The following DEDD2 variants were observed in gnomAD, a reference collection of about 807,000 sequenced individuals.
The protein encoded by DEDD2 is death effector domain containing 2.
DEDD2 carries 18 observed loss-of-function variants against 28.9 expected under a neutral mutation model. That is an observed-to-expected ratio of 0.62 (90% CI 0.43 to 0.92). The LOEUF is 0.92. DEDD2 is among the 40% of genes least tolerant of loss of function. The probability of loss-of-function intolerance (pLI) is 0.00; values close to 1 mark genes in which losing one functional copy is unlikely to be tolerated. For missense variants in DEDD2, 411 were observed against 463.3 expected (o/e 0.89, Z 1.04); for synonymous variants, 211 against 206.1 (o/e 1.02, Z -0.20).
At chr19:42,204,882 G>C (rs757731791) in intron 4 of DEDD2, among the ~76,000 whole-genome samples, 2 of 152,074 alleles carry the variant, frequency 1.3e-5, no homozygotes, top group East Asian at 1.9e-4. Context: ...ATGTCAAATG[G>C]AAAGTTTTTC....
Position 42,217,013 on chromosome 19 carries a change from G to A in DEDD2, c.-6C>T. On this transcript the variant is annotated 5_prime_UTR_variant, in exon 2 of 5. Transcript: ENST00000596251. ...GTCGACCCGGATAGCGCCATTCCCGGGGGAGGGAGGCGGAACAAGCTCAGA... is the reference window on the plus strand; with the variant it reads ...GTCGACCCGGATAGCGCCATTCCCGAGGGAGGGAGGCGGAACAAGCTCAGA... 6.4e-7 allele frequency: 1 copy of A among 1,572,676 alleles called. No homozygotes were observed. The highest frequency in any genetic ancestry group is 8.6e-7 in the Non-Finnish European group (1 of 1,159,710).
chr19:42,216,023 T>C (rs2035953551), intron 2 of DEDD2, among the ~76,000 whole-genome samples: 1 of 152,214 alleles, frequency 6.6e-6, no homozygotes. Flanking sequence ...TGGCCTCTGA[T>C]GATGCCAAAC....
intron 3 of DEDD2, among the ~76,000 whole-genome samples, chr19:42,211,256 G>A (rs573050742): frequency 1.3e-4 from 20 of 151,758 alleles, no homozygotes; most frequent in Non-Finnish European, 2.4e-4. Flanking sequence ...GTGGTAGCAC[G>A]TGCCTGTAGT....
chr19:42,200,604 G>C (rs1599750428), intron 4 of DEDD2, among the ~76,000 whole-genome samples: 2 of 152,326 alleles, frequency 1.3e-5, no homozygotes, highest in South Asian at 4.1e-4. Context: ...TCTTGCCACA[G>C]AGCTGCTAAG....
At chr19:42,211,207 C>T (rs375998890) in intron 3 of DEDD2, among the ~76,000 whole-genome samples, 20 of 150,346 alleles carry the variant, frequency 1.3e-4, no homozygotes, top group Admixed American at 6.7e-4. Flanking sequence ...TGGAAAAACC[C>T]GTCTCTATTA....
chr19:42,219,642 C>T (rs933270123), upstream of DEDD2, among the ~76,000 whole-genome samples: 8 of 152,232 alleles, frequency 5.3e-5, no homozygotes, highest in African/African-American at 1.9e-4. Context: ...CTTCCCCTCT[C>T]TGGGCCTCAG....
chr19:42,206,922 C>G (rs1381100821), intron 4 of DEDD2, among the ~76,000 whole-genome samples: 1 of 152,202 alleles, frequency 6.6e-6, no homozygotes, highest in Non-Finnish European at 1.5e-5. Flanking sequence ...CTCACTCCAG[C>G]CCCACCCTGC....
chr19:42,212,365 CA>C (rs1186792803), intron 3 of DEDD2, among the ~76,000 whole-genome samples: 1 of 150,732 alleles, frequency 6.6e-6, no homozygotes, highest in Non-Finnish European at 1.5e-5. Context: ...GACTCCATCT[CA>C]AAAAAAAGTA....
In DEDD2 at chr19:42,199,588, G is replaced by T; in HGVS notation, c.831C>A (p.Gly277=). The T allele has an allele frequency of 6.2e-7, 1 of 1,614,020 alleles. No individual in the cohort carries two copies. ...CTCGCAGGGCCTCAGTCAGGAACACGCCCCGCAGGGCCTGCAGCAGGGCGC... is the reference window on the plus strand; with the variant it reads ...CTCGCAGGGCCTCAGTCAGGAACACTCCCCGCAGGGCCTGCAGCAGGGCGC... The part of the protein sequence containing the change: ...LSGALLQALR[G]VFLTEALREA... Residue 277 remains glycine, a synonymous_variant, in exon 5 of 5, where the codon GGC becomes GGA. Coordinates refer to ENST00000596251, the MANE Select transcript of DEDD2 (RefSeq NM_133328.4). The surrounding 1 kb of genome is among the most constrained non-coding windows in gnomAD (Gnocchi z 7.4).
intron 4 of DEDD2, among the ~76,000 whole-genome samples, chr19:42,207,037 T>C (rs1325573151): frequency 6.6e-5 from 10 of 152,124 alleles, no homozygotes; most frequent in Admixed American, 6.5e-4. Context: ...AAGCCTCCCT[T>C]GGCCTGTTCC....
chr19:42,205,811 G>A (rs921489210), intron 4 of DEDD2, among the ~76,000 whole-genome samples: 16 of 150,752 alleles, frequency 1.1e-4, no homozygotes, highest in Admixed American at 3.3e-4. Flanking sequence ...GGGGCCAGGC[G>A]GTGGCTCATG....
rs765354075 is a variant in DEDD2, at chr19:42,199,728, C to A, written c.691G>T (p.Val231Leu). ...RPQALARQLDVFGQATAVLRS... is the reference protein window; with the variant it reads ...RPQALARQLDLFGQATAVLRS... ...AGCACTGCGGTGGCCTGCCCAAACA[C>A]GTCCAGCTGCCGCGCCAGCGCCTGG... The change falls in exon 5 of 5, where the codon GTG (valine) becomes TTG (leucine). Residue 231 changes from valine (V) to leucine (L), a missense_variant. Physicochemically the swap from Val to Leu is conservative, Grantham distance 32. Coordinates refer to ENST00000596251, the MANE Select transcript of DEDD2 (RefSeq NM_133328.4). This position sits in a 1 kb window ranked among gnomAD's most constrained non-coding sequence, Gnocchi z 7.4. 1.9e-5 allele frequency: 30 copies of A among 1,613,488 alleles called. No homozygotes were observed. Among genetic ancestry groups the A allele is most frequent in the South Asian group, 9.9e-5 (9 of 91,074 alleles).
At chr19:42,219,718 TCA>T (rs1262977153), upstream of DEDD2, among the ~76,000 whole-genome samples, 2 of 152,202 alleles carry the variant, frequency 1.3e-5, no homozygotes, top group Non-Finnish European at 2.9e-5. Flanking sequence ...TGGGCTAAAC[TCA>T]CAAGGGGGCC....
chr19:42,204,234 GTCTC>G (rs900723348), intron 4 of DEDD2, among the ~76,000 whole-genome samples: 18 of 152,278 alleles, frequency 1.2e-4, no homozygotes, highest in African/African-American at 2.4e-4. Context: ...CACTCAAGTC[GTCTC>G]TCTAAGAGTT....
intron 4 of DEDD2, among the ~76,000 whole-genome samples, chr19:42,204,831 TGCCTCCCTC>T (rs2035468043): frequency 6.7e-6 from 1 of 149,348 alleles, no homozygotes; most frequent in Non-Finnish European, 1.5e-5. Context: ...CATCTTGGCT[TGCCTCCCTC>T]GTCTCTTCTC....
chr19:42,218,825 G>C (rs1010297687), upstream of DEDD2, among the ~76,000 whole-genome samples: 1 of 152,212 alleles, frequency 6.6e-6, no homozygotes. Context: ...ACGAGGCCAG[G>C]AGTTCGAGAC....
At chr19:42,217,113 C>T in intron 1 of DEDD2, 68 bp from the exon 2 acceptor site, 1 of 1,226,686 alleles carries the variant, frequency 8.2e-7, no homozygotes, top group Non-Finnish European at 1.1e-6. Flanking sequence ...ACACCGCCAG[C>T]GCGTCTCCCC....
intron 3 of DEDD2, 87 bp from the exon 4 acceptor site, chr19:42,209,927 C>A: frequency 7.0e-7 from 1 of 1,436,910 alleles, no homozygotes; most frequent in South Asian, 1.5e-5. Context: ...TCAAGGTGTT[C>A]TCGGTGCTGA....
chr19:42,211,460 AGAGGGAGG>A (rs947409007), intron 3 of DEDD2, among the ~76,000 whole-genome samples: 1 of 128,736 alleles, frequency 7.8e-6, no homozygotes, highest in African/African-American at 3.0e-5. Context: ...AAGGAGGAAG[AGAGGGAGG>A]GAGGAAGGGA....
Sources: gnomAD v4.1 joint callset for allele counts (sites outside exome capture counted in the v4.1 genomes callset) on GRCh38, gnomAD v4.1.1 for gene constraint, Gnocchi (gnomAD v3.1) non-coding constraint, MANE v1.5 for transcripts, NCBI Gene and HGNC (gene_info 2026-07-23, HGNC 2026-07-21) for gene names.